Variants in PPFIA2 observed in about 807,000 individuals in gnomAD.
The protein encoded by PPFIA2 is liprin-alpha-2.
PPFIA2 carries 46 observed loss-of-function variants against 175.5 expected under a neutral mutation model. That is an observed-to-expected ratio of 0.26 (90% CI 0.21 to 0.34). The LOEUF is 0.34. Among genes scored for constraint, PPFIA2 ranks in the 10% least tolerant of loss-of-function variants. PPFIA2 has a pLI of 1.00. For synonymous variants in PPFIA2, 568 were observed against 511.4 expected (o/e 1.11, Z -1.49); for missense variants, 1,179 against 1,506.1 (o/e 0.78, Z 3.60).
chr12:81,278,503 G>A (rs577095980), intron 27 of PPFIA2, among the ~76,000 whole-genome samples: 5 of 145,418 alleles, frequency 3.4e-5, no homozygotes, highest in African/African-American at 5.1e-5. Flanking sequence ...TCGTGCCACC[G>A]CACTCCACCC....
chr12:81,385,346 T>C (rs2038685785), intron 8 of PPFIA2, among the ~76,000 whole-genome samples: 2 of 152,104 alleles, frequency 1.3e-5, no homozygotes, highest in South Asian at 4.1e-4. Flanking sequence ...AAATCTCACT[T>C]CTGGGTATAT....
chr12:81,520,753 C>A (rs190055226), intron 4 of PPFIA2, among the ~76,000 whole-genome samples: 1 of 152,142 alleles, frequency 6.6e-6, no homozygotes, highest in East Asian at 1.9e-4. Flanking sequence ...TGAGAGCATC[C>A]CCACACACTT....
intron 11 of PPFIA2, among the ~76,000 whole-genome samples, chr12:81,372,084 GT>G (rs1488845461): frequency 6.6e-6 from 1 of 151,714 alleles, no homozygotes; most frequent in Non-Finnish European, 1.5e-5. Flanking sequence ...TTTAGCAATT[GT>G]TGTAAATACA....
chr12:81,315,423 G>A (rs2052093264), intron 22 of PPFIA2, among the ~76,000 whole-genome samples: 1 of 151,670 alleles, frequency 6.6e-6, no homozygotes, highest in African/African-American at 2.4e-5. Flanking sequence ...TGAAATTATG[G>A]ACGTGATCTA....
chr12:81,726,496 T>C (rs1303061535), intron 3 of PPFIA2, among the ~76,000 whole-genome samples: 1 of 151,270 alleles, frequency 6.6e-6, no homozygotes, highest in African/African-American at 2.4e-5. Context: ...TTGTCCACCT[T>C]GAGCTACTGA....
At chr12:81,382,011 G>A (rs1276845705) in intron 9 of PPFIA2, among the ~76,000 whole-genome samples, 1 of 152,106 alleles carries the variant, frequency 6.6e-6, no homozygotes, top group East Asian at 1.9e-4. Context: ...TTTACGAATA[G>A]TTGGGGTGGG....
chr12:81,270,239 A>G (rs904507333), intron 28 of PPFIA2, among the ~76,000 whole-genome samples: 2 of 152,190 alleles, frequency 1.3e-5, no homozygotes, highest in Non-Finnish European at 1.5e-5. Flanking sequence ...ACCTTGCATT[A>G]TTAATGTCTG....
At chr12:81,331,796 A>C (rs748917944) in intron 21 of PPFIA2, among the ~76,000 whole-genome samples, 2 of 152,062 alleles carry the variant, frequency 1.3e-5, no homozygotes, top group Non-Finnish European at 2.9e-5. Flanking sequence ...CTTGTCTTGA[A>C]TATCTCTTTG....
intron 27 of PPFIA2, among the ~76,000 whole-genome samples, chr12:81,280,310 T>G (rs2041777110): frequency 6.6e-6 from 1 of 152,190 alleles, no homozygotes; most frequent in Admixed American, 6.5e-5. Context: ...TAAAAAACAC[T>G]GTTATATTTA....
At chr12:81,755,171 T>G (rs2084447592) in intron 2 of PPFIA2, among the ~76,000 whole-genome samples, 1 of 152,200 alleles carries the variant, frequency 6.6e-6, no homozygotes, top group African/African-American at 2.4e-5. Context: ...ATAAACGAAC[T>G]GTTTTCAGAA....
intron 4 of PPFIA2, among the ~76,000 whole-genome samples, chr12:81,665,944 G>A (rs1425232537): frequency 3.9e-5 from 6 of 152,042 alleles, no homozygotes; most frequent in Non-Finnish European, 8.8e-5. Context: ...TCAACAAGTG[G>A]GCGAAGGATA....
At chr12:81,431,516 AC>A (rs2048091094) in intron 7 of PPFIA2, 1 of 152,186 alleles carries the variant, frequency 6.6e-6, no homozygotes, top group African/African-American at 2.4e-5. Context: ...AAATTACAAC[AC>A]ATTTTCATTA....
intron 4 of PPFIA2, among the ~76,000 whole-genome samples, chr12:81,570,303 AT>A (rs1456175115): frequency 6.6e-6 from 1 of 152,098 alleles, no homozygotes; most frequent in African/African-American, 2.4e-5. Flanking sequence ...TGTTGATAAT[AT>A]TTTTTTCAAA....
intron 24 of PPFIA2, among the ~76,000 whole-genome samples, chr12:81,290,735 C>T (rs12371727): frequency 0.082 from 12,468 of 151,606 alleles, 675 homozygotes; most frequent in Non-Finnish European, 0.12. Context: ...GAAAAAATAG[C>T]AACACAACAC....
Position 81,581,643 on chromosome 12 carries a change from T to C in PPFIA2, c.303+95148A>G, listed in dbSNP as rs994363722. Among the ~76,000 whole-genome samples the C allele has an allele frequency of 3.3e-5, 5 of 151,808 alleles. No homozygotes were observed. The East Asian group carries it at 9.7e-4, about 29-fold the overall frequency. The stretch of plus-strand genomic sequence containing the variant: ...TTATCCTATTAGAATATAAGCTCCA[T>C]GTTTCACTTCCTTGCCGTAATTTAT... On this transcript the variant is annotated intron_variant, in intron 4 of 32. Coordinates refer to ENST00000549396, the MANE Select transcript of PPFIA2 (RefSeq NM_003625.5).
At chr12:81,572,021 A>G (rs2072643523) in intron 4 of PPFIA2, among the ~76,000 whole-genome samples, 1 of 152,020 alleles carries the variant, frequency 6.6e-6, no homozygotes, top group Non-Finnish European at 1.5e-5. Context: ...TGAAGAGAGA[A>G]CCTGTTTTAG....
intron 8 of PPFIA2, among the ~76,000 whole-genome samples, chr12:81,388,859 C>T (rs1000520580): frequency 2.0e-5 from 3 of 151,644 alleles, no homozygotes; most frequent in African/African-American, 7.3e-5. Context: ...TACCACATTG[C>T]CTCTAATCAG....
intron 14 of PPFIA2, among the ~76,000 whole-genome samples, chr12:81,363,068 T>TA (rs919416058): frequency 1.3e-5 from 2 of 151,512 alleles, no homozygotes; most frequent in Non-Finnish European, 3.0e-5. Flanking sequence ...AGATGTCACT[T>TA]AAAAATGCAG....
chr12:81,477,732 C>A (rs1009674627), intron 4 of PPFIA2, among the ~76,000 whole-genome samples: 38 of 152,294 alleles, frequency 2.5e-4, no homozygotes, highest in African/African-American at 8.9e-4. Flanking sequence ...TTGAACCAGC[C>A]TTGCATCCTA....
Sources: gnomAD v4.1 joint callset for allele counts (sites outside exome capture counted in the v4.1 genomes callset) on GRCh38, gnomAD v4.1.1 for gene constraint, MANE v1.5 for transcripts, NCBI Gene and HGNC (gene_info 2026-07-23, HGNC 2026-07-21) for gene names.